The following INCENP variants were observed in gnomAD, a reference collection of about 807,000 sequenced individuals.
INCENP encodes binds and activates aurora-B and -C in vivo and in vitro.
A neutral mutation model predicts 107.3 loss-of-function variants in INCENP; 43 were observed. That is an observed-to-expected ratio of 0.40 (90% CI 0.31 to 0.52). The LOEUF (loss-of-function observed/expected upper bound fraction) is 0.52, where lower values mean the gene tolerates loss of function less well. Among genes scored for constraint, INCENP ranks in the 20% least tolerant of loss-of-function variants. The probability of loss-of-function intolerance (pLI) is 0.53; values close to 1 mark genes in which losing one functional copy is unlikely to be tolerated. For missense variants in INCENP, 1,089 were observed against 1,250.9 expected, an observed-to-expected ratio of 0.87 and a Z score of 1.95; for synonymous variants, 488 against 494.4, an observed-to-expected ratio of 0.99 and a Z score of 0.17.
chr11:62,132,720 C>A (rs1943916966), intron 4 of INCENP, among the ~76,000 whole-genome samples: 1 of 152,156 alleles, frequency 6.6e-6, no homozygotes, highest in African/African-American at 2.4e-5. Flanking sequence ...TCTACCCTTT[C>A]CCTGCCCATG....
intron 11 of INCENP, 38 bp downstream of exon 11, chr11:62,141,549 C>T: frequency 6.2e-7 from 1 of 1,613,596 alleles, no homozygotes; most frequent in East Asian, 2.2e-5. Flanking sequence ...CCTCGCCCCA[C>T]CTAGCACTCA....
intron 4 of INCENP, among the ~76,000 whole-genome samples, chr11:62,133,173 G>A (rs1333923970): frequency 6.6e-6 from 1 of 152,026 alleles, no homozygotes; most frequent in Non-Finnish European, 1.5e-5. Context: ...TCTTGGTTTG[G>A]GTGTTCCCCA....
intron 4 of INCENP, among the ~76,000 whole-genome samples, chr11:62,135,260 G>T (rs367852572): frequency 2.0e-5 from 3 of 150,688 alleles, no homozygotes; most frequent in African/African-American, 7.3e-5. Flanking sequence ...ACTTTGTTTT[G>T]TTTTTTTTTG....
intron 7 of INCENP, among the ~76,000 whole-genome samples, chr11:62,139,723 G>A (rs768539335): frequency 2.6e-5 from 4 of 152,236 alleles, no homozygotes; most frequent in South Asian, 4.1e-4. Context: ...GGCCACACCA[G>A]CTGCATGGCC....
intron 5 of INCENP, 24 bp downstream of exon 5, chr11:62,137,907 G>A (rs1284359190): frequency 6.2e-7 from 1 of 1,608,518 alleles, no homozygotes; most frequent in Admixed American, 1.7e-5. Flanking sequence ...CAGGGCTTCG[G>A]AGGTAGGCAG....
intron 1 of INCENP, among the ~76,000 whole-genome samples, chr11:62,126,485 C>G (rs1943753212): frequency 6.6e-6 from 1 of 152,160 alleles, no homozygotes; most frequent in Admixed American, 6.5e-5. Flanking sequence ...CGTGAGCCAC[C>G]GTGCCCGGCC....
intron 1 of INCENP, among the ~76,000 whole-genome samples, chr11:62,126,631 T>A (rs1299553934): frequency 6.6e-6 from 1 of 152,224 alleles, no homozygotes; most frequent in African/African-American, 2.4e-5. Flanking sequence ...GGATATTTAA[T>A]GAGCCCCTGT....
rs1944391058 is a variant in INCENP, at chr11:62,152,192, A to G, written c.*216A>G. On this transcript the variant is annotated 3_prime_UTR_variant, in exon 19 of 19. Coordinates refer to ENST00000394818, the MANE Select transcript of INCENP (RefSeq NM_001040694.2). Reference sequence around the variant, plus strand: ...GGATGGGCTGGGTGGGTGGGTGGGGAAGAAATGGGCCCAGCCCCACATGGC... The same window carrying G: ...GGATGGGCTGGGTGGGTGGGTGGGGGAGAAATGGGCCCAGCCCCACATGGC... 5.3e-6 allele frequency: 3 copies of G among 565,762 alleles called. No homozygotes were observed. Among genetic ancestry groups the G allele is most frequent in the African/African-American group, 1.9e-5 (1 of 53,004 alleles). The allele number at this position is 565,762 out of a possible 1,614,324, so 35.0% of individuals were successfully genotyped here. A position where few individuals can be genotyped will look rare whatever the true frequency, so the allele number is the denominator to read the frequency against.
chr11:62,129,768 G>A lies in INCENP; in HGVS notation c.255-14G>A. On this transcript the variant is annotated splice_polypyrimidine_tract_variant and intron_variant, in intron 3 of 18. Transcript: ENST00000394818. Reference sequence around the variant, plus strand: ...TGCTGCCCGTCTCAGCCTCTGCCCTGCTGCCCCTGCCAGGTTATCCCGCAG... The same window carrying A: ...TGCTGCCCGTCTCAGCCTCTGCCCTACTGCCCCTGCCAGGTTATCCCGCAG... 2 of 1,594,878 alleles carry A rather than the reference G, an allele frequency of 1.3e-6. No homozygotes were observed. The highest frequency in any genetic ancestry group is 8.5e-7 in the Non-Finnish European group (1 of 1,173,852).
Position 62,141,405 on chromosome 11 carries a change from G to A in INCENP, c.1594-95G>A, listed in dbSNP as rs112816347. 2.0e-3 allele frequency: 3,100 copies of A among 1,532,522 alleles called. 76 individuals carry two copies. In the African/African-American group the frequency reaches 0.037, roughly 18 times the overall value. The allele number at this position is 1,532,522 out of a possible 1,614,324, so 94.9% of individuals were successfully genotyped here. A position where few individuals can be genotyped will look rare whatever the true frequency, so the allele number is the denominator to read the frequency against. On this transcript the variant is annotated intron_variant, in intron 10 of 18. Transcript: ENST00000394818. ...CTGCTGGCAGGAGGGCAGGCCCCAC[G>A]CAGGCTTGCTGGCACAGCTGGGCAT...
chr11:62,131,313 G>A (rs566182368), intron 4 of INCENP, among the ~76,000 whole-genome samples: 1 of 152,304 alleles, frequency 6.6e-6, no homozygotes, highest in South Asian at 2.1e-4. Flanking sequence ...TCAAAGGGTC[G>A]TTGTGAGGTT....
intron 8 of INCENP, 116 bp downstream of exon 8, chr11:62,140,401 G>A: frequency 1.0e-6 from 1 of 957,986 alleles, no homozygotes; most frequent in Non-Finnish European, 1.7e-6. Flanking sequence ...CTCTCTGCTG[G>A]GGTGTGGCCT....
rs1407418199 is a variant in INCENP at position 62,130,098 on chromosome 11, C to T, written c.571C>T (p.Pro191Ser). 1.2e-6 allele frequency: 2 copies of T among 1,613,546 alleles called. No individual in the cohort carries two copies. Among genetic ancestry groups the T allele is most frequent in the Non-Finnish European group, 1.7e-6 (2 of 1,180,000 alleles). Residue 191 changes from proline to serine, a missense_variant, in exon 4 of 19, where the codon CCT (proline) becomes TCT (serine). Coordinates refer to ENST00000394818, the MANE Select transcript of INCENP (RefSeq NM_001040694.2). Reference protein sequence around the residue: ...QHVTQLMSTEPLPRTLSPTPA... With the variant: ...QHVTQLMSTESLPRTLSPTPA... Reference sequence around the variant, plus strand: ...TGTCACCCAGCTCATGTCCACCGAGCCTCTGCCCCGCACTCTGTCCCCGAC... The same window carrying T: ...TGTCACCCAGCTCATGTCCACCGAGTCTCTGCCCCGCACTCTGTCCCCGAC...
At chr11:62,142,171 A>T (rs1792929) in intron 11 of INCENP, among the ~76,000 whole-genome samples, 2,836 of 152,338 alleles carry the variant, frequency 0.019, 91 homozygotes, top group African/African-American at 0.064. Flanking sequence ...AAGGCCACAG[A>T]CACCTCATTC....
Position 62,130,488 on chromosome 11 carries a change from A to G in INCENP, c.961A>G (p.Lys321Glu). 6.2e-7 allele frequency: 1 copy of G among 1,614,096 alleles called. No individual in the cohort carries two copies. Among genetic ancestry groups the G allele is most frequent in the Non-Finnish European group, 8.5e-7 (1 of 1,180,038 alleles). ...SSPSPQVLAQ[K>E]YSLVAKQESV... ...CCCGAGTCCCCAAGTCTTAGCCCAG[A>G]AGTACTCTCTGGTGGCCAAACAGGA... Residue 321 changes from lysine (K) to glutamate (E), a missense_variant, in exon 4 of 19, where the codon AAG (lysine) becomes GAG (glutamate). Lys to Glu is a moderately conservative substitution (Grantham distance 56, BLOSUM62 1). Coordinates refer to ENST00000394818, the MANE Select transcript of INCENP (RefSeq NM_001040694.2).
In INCENP at chr11:62,145,224, A is replaced by T. The variant is rs757888600; in HGVS notation, c.1771A>T (p.Met591Leu). ...VLQARERVEQ[M>L]KEEKKKQIEQ... Reference sequence around the variant, plus strand: ...GCAGGCCCGCGAGCGGGTGGAGCAGATGAAGGAGGAGAAGAAGAAGCAGAT... The same window carrying T: ...GCAGGCCCGCGAGCGGGTGGAGCAGTTGAAGGAGGAGAAGAAGAAGCAGAT... Residue 591 changes from methionine to leucine, a missense_variant, in exon 13 of 19, where the codon ATG (methionine) becomes TTG (leucine). Coordinates refer to ENST00000394818, the MANE Select transcript of INCENP (RefSeq NM_001040694.2). The T allele has an allele frequency of 1.9e-6, 3 of 1,614,106 alleles. No homozygotes were observed. The highest frequency in any genetic ancestry group is 3.3e-4 in the Middle Eastern group (2 of 6,062).
At chr11:62,127,567 A>T (rs1447531062) in intron 1 of INCENP, among the ~76,000 whole-genome samples, 1 of 152,072 alleles carries the variant, frequency 6.6e-6, no homozygotes, top group Non-Finnish European at 1.5e-5. Flanking sequence ...CTACTTTCTC[A>T]CTCATTCCTT....
chr11:62,131,968 T>C (rs909541591), intron 4 of INCENP, among the ~76,000 whole-genome samples: 2 of 152,022 alleles, frequency 1.3e-5, no homozygotes, highest in Non-Finnish European at 1.5e-5. Flanking sequence ...TTTTGTTTTT[T>C]AGTAGAGATG....
In INCENP at chr11:62,140,785, G is replaced by A. The variant is rs150718308; in HGVS notation, c.1425G>A (p.Arg475=). The change falls in exon 9 of 19, where the codon AGG becomes AGA. Residue 475 remains arginine (R), a synonymous_variant. Coordinates refer to ENST00000394818, the MANE Select transcript of INCENP (RefSeq NM_001040694.2). ...HLEDEELQPP[R]SKTPSSPCPA... Reference sequence around the variant, plus strand: ...AGGATGAGGAGCTGCAGCCCCCCAGGAGCAAGACCCCTTCCTCACCCTGCC... The same window carrying A: ...AGGATGAGGAGCTGCAGCCCCCCAGAAGCAAGACCCCTTCCTCACCCTGCC... The A allele has an allele frequency of 5.0e-6, 8 of 1,612,262 alleles. No homozygotes were observed. In the African/African-American group the frequency reaches 9.3e-5, roughly 19 times the overall value.
Sources: gnomAD v4.1 joint callset for allele counts (sites outside exome capture counted in the v4.1 genomes callset) on GRCh38, gnomAD v4.1.1 for gene constraint, MANE v1.5 for transcripts, NCBI Gene and HGNC (gene_info 2026-07-23, HGNC 2026-07-21) for gene names.